CDH8: variants seen among roughly 807,000 people sequenced by gnomAD.
CDH8 encodes cadherin 8.
Under a neutral mutation model 68.1 loss-of-function variants are expected in CDH8, and 17 were observed. The observed-to-expected ratio is 0.25, with a 90% CI of 0.17 to 0.37. CDH8 has a LOEUF of 0.37. Among genes scored for constraint, CDH8 ranks in the 10% least tolerant of loss-of-function variants. The pLI is 1.00. For synonymous variants in CDH8, 372 were observed against 365.1 expected (o/e 1.02, Z -0.21); for missense variants, 763 against 999.3 (o/e 0.76, Z 3.19).
intron 10 of CDH8, among the ~76,000 whole-genome samples, chr16:61,685,171 A>G (rs952755402): frequency 8.6e-5 from 13 of 150,292 alleles, no homozygotes; most frequent in African/African-American, 3.2e-4. Flanking sequence ...TTTTCTCTAA[A>G]GGGTCCTGTC....
At chr16:61,886,296 TA>T (rs535315018) in intron 3 of CDH8, among the ~76,000 whole-genome samples, 53 of 151,526 alleles carry the variant, frequency 3.5e-4, no homozygotes, top group Non-Finnish European at 5.0e-4. Flanking sequence ...CATATAATAA[TA>T]AAAAAAAACT....
chr16:62,034,030 G>C (rs890234868), intron 1 of CDH8, among the ~76,000 whole-genome samples: 2 of 152,122 alleles, frequency 1.3e-5, no homozygotes, highest in Admixed American at 6.5e-5. Flanking sequence ...CAGCCACAGA[G>C]CTCGGGGAAG....
chr16:61,767,579 G>T (rs1193083315), intron 8 of CDH8, among the ~76,000 whole-genome samples: 1 of 151,806 alleles, frequency 6.6e-6, no homozygotes, highest in African/African-American at 2.4e-5. Context: ...AAAGTAGGGA[G>T]GTCAAAGTTA....
chr16:61,979,075 A>G (rs1965488896), intron 2 of CDH8, among the ~76,000 whole-genome samples: 1 of 151,764 alleles, frequency 6.6e-6, no homozygotes, highest in Admixed American at 6.6e-5. Flanking sequence ...AAAAGCAGAG[A>G]GAAATAAAGA....
chr16:61,854,129 TACAC>T (rs3069985), intron 4 of CDH8, among the ~76,000 whole-genome samples: 13,143 of 145,554 alleles, frequency 0.09, 1,424 homozygotes, highest in African/African-American at 0.26. Context: ...CATATACACA[TACAC>T]ACACACACAC....
intron 10 of CDH8, among the ~76,000 whole-genome samples, chr16:61,674,845 C>T (rs1433018455): frequency 6.6e-6 from 1 of 151,006 alleles, no homozygotes; most frequent in African/African-American, 2.4e-5. Flanking sequence ...TAGTTGGTTG[C>T]TTTATCAACA....
chr16:62,034,518 G>A (rs6498823), intron 1 of CDH8, among the ~76,000 whole-genome samples: 129,876 of 152,050 alleles, frequency 0.85, 55,998 homozygotes, highest in East Asian at 1. Flanking sequence ...TCAAAAGCCA[G>A]CCCCCATCCC....
At chr16:61,754,713 C>T (rs1960265532) in intron 8 of CDH8, among the ~76,000 whole-genome samples, 1 of 152,040 alleles carries the variant, frequency 6.6e-6, no homozygotes, top group Admixed American at 6.6e-5. Flanking sequence ...ATTTTCCCTA[C>T]TTTAATAATG....
chr16:61,767,453 T>G (rs148893430), intron 8 of CDH8, among the ~76,000 whole-genome samples: 1 of 151,940 alleles, frequency 6.6e-6, no homozygotes, highest in African/African-American at 2.4e-5. Flanking sequence ...ATACCAGCCA[T>G]GGACCATTTT....
intron 7 of CDH8, among the ~76,000 whole-genome samples, chr16:61,798,588 A>T (rs1961549954): frequency 6.6e-6 from 1 of 152,218 alleles, no homozygotes; most frequent in Non-Finnish European, 1.5e-5. Flanking sequence ...CAAACAGCAC[A>T]GGTCGAAACT....
chr16:61,983,903 A>T, intron 2 of CDH8, among the ~76,000 whole-genome samples: 1 of 125,458 alleles, frequency 8.0e-6, no homozygotes, highest in Non-Finnish European at 1.7e-5. Context: ...ATTTTATTTT[A>T]TTTTATTTTA....
chr16:61,672,934 A>G (rs574317180), intron 10 of CDH8, among the ~76,000 whole-genome samples: 1 of 152,198 alleles, frequency 6.6e-6, no homozygotes, highest in South Asian at 2.1e-4. Flanking sequence ...TGTTGATTTA[A>G]AACTATCTTA....
At chr16:61,868,217 T>C (rs182156993) in intron 3 of CDH8, among the ~76,000 whole-genome samples, 15 of 152,310 alleles carry the variant, frequency 9.8e-5, no homozygotes, top group African/African-American at 3.6e-4. Context: ...AACACTATAA[T>C]GTTTCTGAAT....
Position 61,824,995 on chromosome 16 carries a change from G to A in CDH8, c.835+17C>T. The A allele has an allele frequency of 6.3e-7, 1 of 1,588,504 alleles. No individual in the cohort carries two copies. The highest frequency in any genetic ancestry group is 2.2e-5 in the East Asian group (1 of 44,674). ...CATCATACCAAGATTCTCATCCAGT[G>A]CAGGAAATTAACTTACTCTGTGCAA... On this transcript the variant is annotated intron_variant, in intron 5 of 11. Transcript: ENST00000577390.
At chr16:61,752,395 G>A (rs1960191227) in intron 8 of CDH8, among the ~76,000 whole-genome samples, 1 of 152,146 alleles carries the variant, frequency 6.6e-6, no homozygotes, top group Admixed American at 6.5e-5. Flanking sequence ...AGATTGCAAA[G>A]AGAATTAAAC....
chr16:61,767,950 C>T (rs1386235265), intron 8 of CDH8, among the ~76,000 whole-genome samples: 2 of 151,866 alleles, frequency 1.3e-5, no homozygotes, highest in African/African-American at 4.8e-5. Context: ...GCCCAATTTT[C>T]TCCTTCCTAC....
Position 61,653,614 on chromosome 16 carries a change from T to C in CDH8, c.2394A>G (p.Glu798=), listed in dbSNP as rs1963374811. Residue 798 remains glutamate, a synonymous_variant, in exon 12 of 12, where the codon GAA becomes GAG. Transcript: ENST00000577390. ...ELYSVGESDK[E]T Reference sequence around the variant, plus strand: ...ATTTATTTATAATCCACTGTCAAGTTTCTTTGTCACTTTCACCAACAGAGT... The same window carrying C: ...ATTTATTTATAATCCACTGTCAAGTCTCTTTGTCACTTTCACCAACAGAGT... 3.1e-6 allele frequency: 5 copies of C among 1,607,030 alleles called. No individual in the cohort carries two copies. Among genetic ancestry groups the C allele is most frequent in the African/African-American group, 2.7e-5 (2 of 74,460 alleles).
chr16:61,665,136 C>T (rs188295979), intron 10 of CDH8, among the ~76,000 whole-genome samples: 380 of 151,716 alleles, frequency 2.5e-3, no homozygotes, highest in Non-Finnish European at 3.9e-3. Context: ...GAAATAGTGT[C>T]CTTATAAGAA....
At chr16:61,714,924 T>G (rs1387602975) in intron 9 of CDH8, among the ~76,000 whole-genome samples, 2 of 151,288 alleles carry the variant, frequency 1.3e-5, no homozygotes, top group Admixed American at 6.6e-5. Flanking sequence ...CCATTGAACT[T>G]TGAAATGTTA....
Sources: gnomAD v4.1 joint callset for allele counts (sites outside exome capture counted in the v4.1 genomes callset) on GRCh38, gnomAD v4.1.1 for gene constraint, MANE v1.5 for transcripts, NCBI Gene and HGNC (gene_info 2026-07-23, HGNC 2026-07-21) for gene names.